The following FER variants were observed in gnomAD, a reference collection of about 807,000 sequenced individuals.
FER encodes the protein FER tyrosine kinase, also known as tyrosine-protein kinase Fer.
FER carries 63 observed loss-of-function variants against 111.0 expected under a neutral mutation model. That is an observed-to-expected ratio of 0.57 (90% CI 0.46 to 0.70). The LOEUF is 0.70. Ranked by LOEUF, FER falls within the 30% of genes least tolerant of loss-of-function variation. The pLI is 0.00. For missense variants in FER, 914 were observed against 954.0 expected (o/e 0.96, Z 0.55); for synonymous variants, 327 against 313.9 (o/e 1.04, Z -0.44).
At chr5:109,054,335 A>G (rs980623699) in intron 16 of FER, among the ~76,000 whole-genome samples, 4 of 152,144 alleles carry the variant, frequency 2.6e-5, no homozygotes, top group Admixed American at 2.0e-4. Context: ...TAATACTTCT[A>G]TACCTTATTG....
intron 17 of FER, among the ~76,000 whole-genome samples, chr5:109,104,094 A>G (rs1028826635): frequency 7.2e-5 from 11 of 152,220 alleles, no homozygotes; most frequent in Admixed American, 2.6e-4. Context: ...TAGGTAGAAT[A>G]TGATTTCTTT....
At chr5:109,014,492 G>A (rs1581655397) in intron 13 of FER, among the ~76,000 whole-genome samples, 2 of 152,226 alleles carry the variant, frequency 1.3e-5, no homozygotes, top group South Asian at 4.1e-4. Context: ...TAGCCTTGTA[G>A]TATAGTTTGA....
chr5:109,105,579 G>C lies in FER; in HGVS notation c.2048+5060G>C, dbSNP rs546972027. On this transcript the variant is annotated intron_variant, in intron 17 of 19. Transcript: ENST00000281092. ...TGATCTACCATATACTCAATTGAAG[G>C]CACTGTAAGACCACTTTAAGTAACT... 2.6e-5 allele frequency among the ~76,000 whole-genome samples: 4 copies of C among 152,204 alleles called. No homozygotes were observed. In the South Asian group the frequency reaches 8.3e-4, roughly 32 times the overall value.
chr5:109,166,183 T>C (rs1756539470), intron 17 of FER, among the ~76,000 whole-genome samples: 1 of 152,072 alleles, frequency 6.6e-6, no homozygotes, highest in Admixed American at 6.6e-5. Context: ...GGTTTCCATC[T>C]TGTCTGTCTG....
At chr5:108,950,681 TAAA>T (rs1353725898) in intron 11 of FER, among the ~76,000 whole-genome samples, 2 of 152,168 alleles carry the variant, frequency 1.3e-5, no homozygotes, top group African/African-American at 4.8e-5. Context: ...TAGAAATTTT[TAAA>T]AAACTGGAAG....
chr5:108,820,968 C>T (rs541594089), intron 3 of FER, among the ~76,000 whole-genome samples: 2 of 152,140 alleles, frequency 1.3e-5, no homozygotes, highest in South Asian at 4.2e-4. Flanking sequence ...AAAAATTAGC[C>T]GAGCATGGTG....
At chr5:108,758,230 A>T (rs1751331821) in intron 1 of FER, among the ~76,000 whole-genome samples, 1 of 152,220 alleles carries the variant, frequency 6.6e-6, no homozygotes, top group Non-Finnish European at 1.5e-5. Flanking sequence ...ATGGGTACAG[A>T]TATTATAAAG....
intron 13 of FER, among the ~76,000 whole-genome samples, chr5:108,980,502 C>T (rs1242279775): frequency 6.6e-6 from 1 of 151,956 alleles, no homozygotes; most frequent in Non-Finnish European, 1.5e-5. Flanking sequence ...AGAAATATTC[C>T]AAGCCAAAAT....
intron 3 of FER, among the ~76,000 whole-genome samples, chr5:108,827,090 A>G (rs1759551233): frequency 6.6e-6 from 1 of 152,196 alleles, no homozygotes; most frequent in Non-Finnish European, 1.5e-5. Context: ...GTTTATGACA[A>G]CCATGGACTC....
intron 16 of FER, among the ~76,000 whole-genome samples, chr5:109,060,759 G>GGT (rs577713883): frequency 0.097 from 12,994 of 134,616 alleles, 685 homozygotes; most frequent in Middle Eastern, 0.18. Flanking sequence ...GCGTATGTGT[G>GGT]GTGTGTGTGT....
chr5:109,016,878 T>C (rs1767211334), intron 13 of FER, among the ~76,000 whole-genome samples: 1 of 151,992 alleles, frequency 6.6e-6, no homozygotes, highest in African/African-American at 2.4e-5. Flanking sequence ...GTTATAAGAA[T>C]GGCCTCCTAA....
chr5:109,154,537 A>T (rs1755167865), intron 17 of FER, among the ~76,000 whole-genome samples: 1 of 151,896 alleles, frequency 6.6e-6, no homozygotes, highest in Non-Finnish European at 1.5e-5. Flanking sequence ...AGAATACAGG[A>T]AGAAAAAACT....
At chr5:109,164,089 C>T (rs1464639228) in intron 17 of FER, among the ~76,000 whole-genome samples, 1 of 152,136 alleles carries the variant, frequency 6.6e-6, no homozygotes, top group East Asian at 1.9e-4. Flanking sequence ...GAGATTATAG[C>T]TGGAAAGTCC....
intron 16 of FER, among the ~76,000 whole-genome samples, chr5:109,097,297 T>C (rs989135787): frequency 6.6e-6 from 1 of 151,942 alleles, no homozygotes; most frequent in African/African-American, 2.4e-5. Flanking sequence ...CTTAGAAATT[T>C]ATCATTATTA....
At chr5:109,174,049 C>T (rs1407990807) in intron 17 of FER, among the ~76,000 whole-genome samples, 2 of 152,150 alleles carry the variant, frequency 1.3e-5, no homozygotes, top group Non-Finnish European at 1.5e-5. Flanking sequence ...AGAACAGACA[C>T]GCTTCCATAA....
In FER at chr5:109,195,331, C is replaced by T. The variant is rs1759665076; in HGVS notation, c.*7756C>T. 1 of 152,148 alleles carries T rather than the reference C, an allele frequency of 6.6e-6. No individual in the cohort carries two copies. Among genetic ancestry groups the T allele is most frequent in the Non-Finnish European group, 1.5e-5 (1 of 68,042 alleles). 9.4% of individuals were successfully genotyped at this position (152,148 alleles called of 1,614,324 possible). On this transcript the variant is annotated 3_prime_UTR_variant, in exon 20 of 20. Transcript: ENST00000281092. The stretch of plus-strand genomic sequence containing the variant: ...CTTTGCTTCAGTAACAATCAGAAGA[C>T]CAGTCCAACAGAAAATAACTTGTCA...
intron 8 of FER, among the ~76,000 whole-genome samples, chr5:108,882,287 A>AT: frequency 6.6e-6 from 1 of 152,150 alleles, no homozygotes; most frequent in South Asian, 2.1e-4. Context: ...AATTGTTTCC[A>AT]TTAAAAAAAA....
chr5:108,925,971 T>C (rs1042391340), intron 10 of FER, among the ~76,000 whole-genome samples: 1 of 152,000 alleles, frequency 6.6e-6, no homozygotes, highest in African/African-American at 2.4e-5. Context: ...GCTAGTGACT[T>C]GCATAACTTA....
chr5:108,994,583 G>A (rs187498756), intron 13 of FER, among the ~76,000 whole-genome samples: 215 of 152,092 alleles, frequency 1.4e-3, no homozygotes, highest in Non-Finnish European at 2.5e-3. Flanking sequence ...TGATTATCTT[G>A]GCTATTTGGG....
Sources: gnomAD v4.1 joint callset for allele counts (sites outside exome capture counted in the v4.1 genomes callset) on GRCh38, gnomAD v4.1.1 for gene constraint, MANE v1.5 for transcripts, NCBI Gene and HGNC (gene_info 2026-07-23, HGNC 2026-07-21) for gene names.